Variants in NBPF10 observed in about 807,000 individuals in gnomAD.
The protein encoded by NBPF10 is NBPF family member NBPF10.
Under a neutral mutation model 77.9 loss-of-function variants are expected in NBPF10, and 63 were observed. That is an observed-to-expected ratio of 0.81 (90% CI 0.66 to 1.00). NBPF10 has a LOEUF of 1.00. NBPF10 is among the 50% of genes least tolerant of loss of function. The pLI, the probability that NBPF10 is intolerant of heterozygous loss-of-function variation, is 0.00. For missense variants in NBPF10, 522 were observed against 679.8 expected (o/e 0.77, Z 2.58); for synonymous variants, 146 against 264.5 (o/e 0.55, Z 4.35).
chr1:146,139,152 T>C (rs1373814399), intron 5 of NBPF10, among the ~76,000 whole-genome samples: 1 of 141,322 alleles, frequency 7.1e-6, no homozygotes, highest in Non-Finnish European at 1.6e-5. Flanking sequence ...CAGGCTGGAG[T>C]GCAGTGGCAC....
intron 6 of NBPF10, among the ~76,000 whole-genome samples, chr1:146,137,743 G>A (rs9424715): frequency 7.7e-6 from 1 of 130,280 alleles, no homozygotes; most frequent in South Asian, 2.9e-4. Context: ...TCTATTAGGA[G>A]TAGACTCCTC....
intron 65 of NBPF10, among the ~76,000 whole-genome samples, chr1:146,085,745 A>ACG (rs1553782753): frequency 1.3e-4 from 1 of 7,788 alleles, no homozygotes; most frequent in Non-Finnish European, 2.7e-4. Flanking sequence ...ACACACACAC[A>ACG]CACACACACA....
rs1328433321 is a variant in NBPF10 at position 146,142,339 on chromosome 1, A to G, written c.278+311T>C. Among the ~76,000 whole-genome samples the G allele has an allele frequency of 5.3e-5, 7 of 131,276 alleles. No individual in the cohort carries two copies. The East Asian group carries it at 1.5e-3, about 29-fold the overall frequency. The allele number at this position is 131,276 out of a possible 152,430, so 86.1% of individuals were successfully genotyped here. On this transcript the variant is annotated intron_variant, in intron 2 of 89. Coordinates refer to ENST00000583866, the Ensembl canonical transcript of NBPF10. ...CTCACTAAGGGTAAGTGGGGTGGCG[A>G]TAGCACACCATTTTGATTATACTGA... is the stretch of plus-strand genomic sequence containing the variant.
At position 146,142,655 on chromosome 1, in the gene NBPF10, C is replaced by G. The variant is rs782331974; in HGVS notation, c.273G>C (p.Glu91Asp). ...CCCCTATGGGGTCCCCTCACCTGAGCTCCTCAGCTTGCTTCAGCTGCTCTG... is the reference window on the plus strand; with the variant it reads ...CCCCTATGGGGTCCCCTCACCTGAGGTCCTCAGCTTGCTTCAGCTGCTCTG... The change falls in exon 2 of 90, where the codon GAG (glutamate) becomes GAC (aspartate). Residue 91 changes from glutamate (E) to aspartate (D), a missense_variant. Physicochemically the swap from Glu to Asp is conservative, Grantham distance 45. Coordinates refer to ENST00000583866, the Ensembl canonical transcript of NBPF10. 3.0e-6 allele frequency: 4 copies of G among 1,342,430 alleles called. No homozygotes were observed. The African/African-American group carries it at 4.2e-5, about 14-fold the overall frequency. 83.2% of individuals were successfully genotyped at this position (1,342,430 alleles called of 1,614,324 possible).
chr1:146,123,612 A>T (rs1479540601), intron 17 of NBPF10, among the ~76,000 whole-genome samples: 2 of 83,540 alleles, frequency 2.4e-5, no homozygotes, highest in East Asian at 4.0e-4. Flanking sequence ...TGCCCTCAGG[A>T]CACACAGCAT....
intron 5 of NBPF10, among the ~76,000 whole-genome samples, chr1:146,139,112 T>A (rs1301681543): frequency 3.0e-5 from 4 of 131,724 alleles, no homozygotes; most frequent in African/African-American, 8.2e-5. Flanking sequence ...TTTTTTTTTT[T>A]TTTTTGAGAT....
chr1:146,129,470 G>A (rs1659066747), intron 11 of NBPF10, among the ~76,000 whole-genome samples: 1 of 139,682 alleles, frequency 7.2e-6, no homozygotes, highest in African/African-American at 2.8e-5. Context: ...AAATGAACAA[G>A]CCTCCAATAA....
intron 11 of NBPF10, among the ~76,000 whole-genome samples, chr1:146,129,989 T>C (rs200267850): frequency 0.079 from 5,676 of 71,668 alleles, 19 homozygotes; most frequent in East Asian, 0.19. Flanking sequence ...TCCACATTGG[T>C]GTGCTTCACC....
At chr1:146,123,522 A>T (rs1399155596) in intron 17 of NBPF10, among the ~76,000 whole-genome samples, 16 of 107,530 alleles carry the variant, frequency 1.5e-4, no homozygotes, top group African/African-American at 4.1e-4. Flanking sequence ...ACACACACAC[A>T]CACAGAGAGA....
chr1:146,126,235 C>A lies in NBPF10; in HGVS notation c.2026+1G>T, dbSNP rs782159435. On this transcript the variant is annotated splice_donor_variant, in intron 14 of 89. Transcript: ENST00000583866. LOFTEE classifies it high-confidence loss of function. The stretch of plus-strand genomic sequence containing the variant: ...TATCACCTTCATAGAAAGGTACTCA[C>A]CATCCATGTCAATAGCCAAGCCAAC... 37 of 1,601,278 alleles carry A rather than the reference C, an allele frequency of 2.3e-5. No homozygotes were observed. The African/African-American group carries it at 3.2e-4, about 14-fold the overall frequency.
intron 88 of NBPF10, 35 bp from the exon 89 acceptor site, chr1:146,067,323 G>C (rs185664039): frequency 8.4e-6 from 4 of 476,484 alleles, no homozygotes; most frequent in South Asian, 3.6e-5. Flanking sequence ...GACACATTAA[G>C]CTGATTCCCC....
At chr1:146,121,844 C>T (rs1553788673) in intron 19 of NBPF10, among the ~76,000 whole-genome samples, 174 bp from the exon 20 acceptor site, 4 of 148,632 alleles carry the variant, frequency 2.7e-5, no homozygotes, top group Admixed American at 1.3e-4. Flanking sequence ...AGGTAGAAAA[C>T]AATGAAAGAG....
intron 81 of NBPF10, among the ~76,000 whole-genome samples, chr1:146,073,206 G>A (rs1655835786): frequency 2.5e-5 from 1 of 39,604 alleles, no homozygotes; most frequent in Non-Finnish European, 4.4e-5. Flanking sequence ...GACACACAGC[G>A]AACAGTGATC....
intron 80 of NBPF10, among the ~76,000 whole-genome samples, chr1:146,073,864 G>GA (rs1655898679): frequency 1.5e-5 from 1 of 66,846 alleles, no homozygotes; most frequent in Non-Finnish European, 3.9e-5. Flanking sequence ...GTTGCTAGGA[G>GA]AAAAACTGCA....
Position 146,144,696 on chromosome 1 carries a change from C to A in NBPF10, c.74G>T (p.Arg25Leu). The A allele has an allele frequency of 1.7e-6, 2 of 1,168,252 alleles. 1 individual carries two copies. The allele number at this position is 1,168,252 out of a possible 1,614,324, so 72.4% of individuals were successfully genotyped here. Residue 25 changes from arginine to leucine, a missense_variant, in exon 1 of 90, where the codon CGC (arginine) becomes CTC (leucine). Around this residue, in one of 9 missense-constraint regions of NBPF10, gnomAD observed 10 missense variants for 49.5 expected, o/e 0.20. Transcript: ENST00000583866. The stretch of plus-strand genomic sequence containing the variant: ...CTGTTTCTTCTCTGCCAGCTGGGGG[C>A]GCAATGTCTCGTTGATTTCTAGAAT...
At chr1:146,134,256 T>C (rs782582821) in exon 9 of NBPF10, 2 of 1,602,908 alleles carry the variant, frequency 1.2e-6, no homozygotes, top group African/African-American at 1.4e-5. Flanking sequence ...ATCGTCATCG[T>C]TGTCATTTTC....
chr1:146,144,023 T>C lies in NBPF10; in HGVS notation c.175+572A>G, dbSNP rs1553666473. Among the ~76,000 whole-genome samples the C allele has an allele frequency of 3.8e-4, 56 of 145,650 alleles. No homozygotes were observed. In the South Asian group the frequency reaches 7.5e-3, roughly 20 times the overall value. The stretch of plus-strand genomic sequence containing the variant: ...TCAGCCTCCCAAAGTGCTGAGATTA[T>C]AGGAGTGAGCCACGTTGCACGGCCC... On this transcript the variant is annotated intron_variant, in intron 1 of 89. Coordinates refer to ENST00000583866, the Ensembl canonical transcript of NBPF10.
intron 11 of NBPF10, among the ~76,000 whole-genome samples, chr1:146,128,771 A>G (rs1469595624): frequency 6.6e-6 from 1 of 151,292 alleles, no homozygotes; most frequent in African/African-American, 2.4e-5. Context: ...ACCAACAAAT[A>G]GGAAGAAAGA....
At chr1:146,125,966 A>G (rs1282972545) in intron 14 of NBPF10, among the ~76,000 whole-genome samples, 10 of 151,728 alleles carry the variant, frequency 6.6e-5, no homozygotes, top group Non-Finnish European at 1.3e-4. Flanking sequence ...AGTTGTGTGA[A>G]TTTGTCATAT....
Sources: gnomAD v4.1 joint callset for allele counts (sites outside exome capture counted in the v4.1 genomes callset) on GRCh38, gnomAD v4.1.1 for gene constraint, gnomAD v4.1.1 regional missense constraint, MANE v1.5 for transcripts, NCBI Gene and HGNC (gene_info 2026-07-23, HGNC 2026-07-21) for gene names.